MRC2: variants seen among roughly 807,000 people sequenced by gnomAD.
The protein encoded by MRC2 is mannose receptor C-type 2.
MRC2 carries 84 observed loss-of-function variants against 206.2 expected under a neutral mutation model. That is an observed-to-expected ratio of 0.41 (90% CI 0.34 to 0.49). The LOEUF (loss-of-function observed/expected upper bound fraction) is 0.49. Among genes scored for constraint, MRC2 ranks in the 20% least tolerant of loss-of-function variants. The pLI is 0.31. For synonymous variants in MRC2, 798 were observed against 800.0 expected (o/e 1.00, Z 0.04); for missense variants, 1,676 against 2,001.5 (o/e 0.84, Z 3.10).
intron 1 of MRC2, among the ~76,000 whole-genome samples, chr17:62,656,087 G>T (rs753481512): frequency 6.6e-6 from 1 of 152,062 alleles, no homozygotes; most frequent in Non-Finnish European, 1.5e-5. Flanking sequence ...TCACTCTGTT[G>T]CCAGGTTGGA....
chr17:62,677,578 C>A, intron 12 of MRC2, 92 bp downstream of exon 12: 1 of 1,154,768 alleles, frequency 8.7e-7, no homozygotes. Context: ...CAGCCACAAT[C>A]CAGAGACACA....
At chr17:62,678,360 G>T in intron 12 of MRC2, 144 bp from the exon 13 acceptor site, 1 of 1,158,000 alleles carries the variant, frequency 8.6e-7, no homozygotes, top group African/African-American at 1.6e-5. Context: ...CTCTGCAGAT[G>T]AACAGGATTG....
chr17:62,677,392 C>A lies in MRC2; in HGVS notation c.1958C>A (p.Thr653Lys). The A allele has an allele frequency of 6.2e-7, 1 of 1,610,782 alleles. No individual in the cohort carries two copies. The highest frequency in any genetic ancestry group is 8.5e-7 in the Non-Finnish European group (1 of 1,179,166). ...CGGCAGAGCCTGGGCACTCCAGTGACGCCGGAGCTGCCGGGGCCAGATCCC... is the reference window on the plus strand; with the variant it reads ...CGGCAGAGCCTGGGCACTCCAGTGAAGCCGGAGCTGCCGGGGCCAGATCCC... ...ICRQSLGTPV[T>K]PELPGPDPTP... The change falls in exon 12 of 30, where the codon ACG becomes AAG. Residue 653 changes from threonine to lysine, a missense_variant. Physicochemically the swap from Thr to Lys is moderately conservative, Grantham distance 78 (BLOSUM62 -1). Around this residue, in one of 3 missense-constraint regions of MRC2, gnomAD observed 1,354 missense variants for 1,636.6 expected, o/e 0.83. Transcript: ENST00000303375.
Position 62,692,610 on chromosome 17 carries a change from G to A in MRC2, c.*159G>A. 1 of 721,860 alleles carries A rather than the reference G, an allele frequency of 1.4e-6. No homozygotes were observed. Among genetic ancestry groups the A allele is most frequent in the Non-Finnish European group, 2.2e-6 (1 of 446,776 alleles). 44.7% of individuals were successfully genotyped at this position (721,860 alleles called of 1,614,324 possible). A position where few individuals can be genotyped will look rare whatever the true frequency, so the allele number is the denominator to read the frequency against. ...AGCTGGGCAGAGCCTGGGCTGGTGG[G>A]GTGCCACCCTCCCACAAGGGCTGGG... On this transcript the variant is annotated 3_prime_UTR_variant, in exon 30 of 30. Transcript: ENST00000303375. The surrounding 1 kb of genome is among the most constrained non-coding windows in gnomAD (Gnocchi z 4.2).
Position 62,671,609 on chromosome 17 carries a change from C to T in MRC2, c.1118-40C>T, listed in dbSNP as rs368948928. ...CCAGTGGGTTGGTTCCCAGACTGGGCGGCTCAGTCCCTGAGCAGCAGCCTC... is the reference window on the plus strand; with the variant it reads ...CCAGTGGGTTGGTTCCCAGACTGGGTGGCTCAGTCCCTGAGCAGCAGCCTC... On this transcript the variant is annotated intron_variant, in intron 6 of 29. Coordinates refer to ENST00000303375, the MANE Select transcript of MRC2 (RefSeq NM_006039.5). This position sits in a 1 kb window ranked among gnomAD's most constrained non-coding sequence, Gnocchi z 4.5. The T allele has an allele frequency of 6.3e-5, 96 of 1,515,858 alleles. No homozygotes were observed. Among genetic ancestry groups the T allele is most frequent in the Non-Finnish European group, 8.1e-5 (91 of 1,130,186 alleles). 93.9% of individuals were successfully genotyped at this position (1,515,858 alleles called of 1,614,324 possible).
chr17:62,689,591 G>C lies in MRC2; in HGVS notation c.3404G>C (p.Gly1135Ala). ...APGTELSYLN[G>A]TFRLLQKPLR... ...GGCACTGAGCTCTCCTACCTCAACG[G>C]CACCTTCCGGCTGCTTCAGAAGCCG... Residue 1135 changes from glycine (G) to alanine (A), a missense_variant, in exon 24 of 30, where the codon GGC becomes GCC. Transcript: ENST00000303375. 3 of 1,602,780 alleles carry C rather than the reference G, an allele frequency of 1.9e-6. No homozygotes were observed. The highest frequency in any genetic ancestry group is 2.6e-6 in the Non-Finnish European group (3 of 1,174,990).
chr17:62,690,230 T>A lies in MRC2; in HGVS notation c.3817T>A (p.Phe1273Ile). The change falls in exon 26 of 30, where the codon TTC (phenylalanine) becomes ATC (isoleucine). Residue 1273 changes from phenylalanine to isoleucine, a missense_variant. Physicochemically the swap from Phe to Ile is conservative, Grantham distance 21. Transcript: ENST00000303375. ...ACTGGCAGACTCCGCGTGGATTCCC[T>A]TCCGGGAGCACTGCTATTCTTTCCA... Reference protein sequence around the residue: ...QGLADSAWIPFREHCYSFHME... With the variant: ...QGLADSAWIPIREHCYSFHME... The A allele has an allele frequency of 6.2e-7, 1 of 1,613,484 alleles. No homozygotes were observed. The highest frequency in any genetic ancestry group is 1.1e-5 in the South Asian group (1 of 91,080).
Position 62,682,328 on chromosome 17 carries a change from C to A in MRC2, c.2897C>A (p.Thr966Asn). The A allele has an allele frequency of 6.2e-7, 1 of 1,607,906 alleles. No individual in the cohort carries two copies. The highest frequency in any genetic ancestry group is 8.5e-7 in the Non-Finnish European group (1 of 1,177,486). ...TKETQPPDLPTTALGGCPSDW... is the reference protein window; with the variant it reads ...TKETQPPDLPNTALGGCPSDW... ...GAAACGCAGCCCCCAGACCTGCCAA[C>A]TACAGCCCTGGGGGGCTGCCCCTCT... The change falls in exon 20 of 30, where the codon ACT becomes AAT. Residue 966 changes from threonine (T) to asparagine (N), a missense_variant. By Grantham distance (65) the Thr-to-Asn change is moderately conservative (BLOSUM62 0). This residue lies in a region of MRC2 where 1,354 missense variants were observed against 1,636.6 expected (regional missense o/e 0.83). Transcript: ENST00000303375.
At chr17:62,686,038 G>A (rs1028824602) in intron 20 of MRC2, among the ~76,000 whole-genome samples, 22 of 152,182 alleles carry the variant, frequency 1.4e-4, no homozygotes, top group African/African-American at 5.1e-4. Context: ...ATGTACTAGG[G>A]GAGGGGAGGG....
chr17:62,688,840 C>A lies in MRC2; in HGVS notation c.3226-12C>A. ...GCTGCTGGGGCTCCCCTGAGCAGCT[C>A]CCTCCCCCCAGACCAGCTGTGCAGT... On this transcript the variant is annotated splice_polypyrimidine_tract_variant and intron_variant, in intron 22 of 29. Transcript: ENST00000303375. The A allele has an allele frequency of 6.2e-7, 1 of 1,600,174 alleles. No individual in the cohort carries two copies. The highest frequency in any genetic ancestry group is 1.1e-5 in the South Asian group (1 of 89,736).
Position 62,666,370 on chromosome 17 carries a change from C to T in MRC2, c.695-85C>T, listed in dbSNP as rs1010117474. On this transcript the variant is annotated intron_variant, in intron 3 of 29. Coordinates refer to ENST00000303375, the MANE Select transcript of MRC2 (RefSeq NM_006039.5). This position sits in a 1 kb window ranked among gnomAD's most constrained non-coding sequence, Gnocchi z 5.0. Reference sequence around the variant, plus strand: ...GGTGAGATACTGCCCCCTCCCCTACCTAGTGTAGCCTTTTGGTGGGGGAGG... The same window carrying T: ...GGTGAGATACTGCCCCCTCCCCTACTTAGTGTAGCCTTTTGGTGGGGGAGG... 8.8e-6 allele frequency: 14 copies of T among 1,598,482 alleles called. No individual in the cohort carries two copies. In the Admixed American group the frequency reaches 2.4e-4, roughly 27 times the overall value.
chr17:62,665,805 T>TG (rs1320511895), intron 2 of MRC2, among the ~76,000 whole-genome samples: 9 of 152,128 alleles, frequency 5.9e-5, no homozygotes. Flanking sequence ...CCTCTGTGGG[T>TG]GACTTGGAGG....
At chr17:62,648,307 G>A (rs1391007944) in intron 1 of MRC2, among the ~76,000 whole-genome samples, 3 of 152,242 alleles carry the variant, frequency 2.0e-5, no homozygotes, top group Non-Finnish European at 1.5e-5. Flanking sequence ...AGGAGGCTGA[G>A]ACAGGAGAAT....
At position 62,676,460 on chromosome 17, in the gene MRC2, A is replaced by C. The variant is rs551322802; in HGVS notation, c.1763A>C (p.Asn588Thr). Residue 588 changes from asparagine to threonine, a missense_variant, in exon 11 of 30, where the codon AAC becomes ACC. This residue lies in a region of MRC2 where 1,354 missense variants were observed against 1,636.6 expected (regional missense o/e 0.83). Transcript: ENST00000303375. ...EYFWTALQDL[N>T]STGSFFWLSG... is the part of the protein sequence containing the mutation. ...TTCTGGACGGCCCTGCAGGACCTCAACAGCACCGGCTCCTTCTTCTGGCTC... is the reference window on the plus strand; with the variant it reads ...TTCTGGACGGCCCTGCAGGACCTCACCAGCACCGGCTCCTTCTTCTGGCTC... The C allele has an allele frequency of 1.2e-6, 2 of 1,613,728 alleles. No individual in the cohort carries two copies. The highest frequency in any genetic ancestry group is 2.7e-5 in the African/African-American group (2 of 75,032).
rs10640837 is a variant in MRC2, at chr17:62,672,991, C to CAAA, written c.1461+850_1461+852dup. Among the ~76,000 whole-genome samples, 11,957 of 143,224 alleles carry CAAA rather than the reference C, an allele frequency of 0.083. 556 individuals are homozygous for CAAA. Among genetic ancestry groups the CAAA allele is most frequent in the South Asian group, 0.17 (738 of 4,406 alleles). The allele number at this position is 143,224 out of a possible 152,430, so 94.0% of individuals were successfully genotyped here. A position where few individuals can be genotyped will look rare whatever the true frequency, so the allele number is the denominator to read the frequency against. On this transcript the variant is annotated intron_variant, in intron 8 of 29. Transcript: ENST00000303375. This position sits in a 1 kb window ranked among gnomAD's most constrained non-coding sequence, Gnocchi z 4.5. ...TGGGTGACAGAGCAAGACCCTGTCT[C>CAAA]AAAAAAAAAAAAATAAAATAAAAAG...
chr17:62,664,646 C>T lies in MRC2; in HGVS notation c.217C>T (p.Pro73Ser). 3 of 1,613,778 alleles carry T rather than the reference C, an allele frequency of 1.9e-6. No individual in the cohort carries two copies. The highest frequency in any genetic ancestry group is 2.5e-6 in the Non-Finnish European group (3 of 1,180,032). Residue 73 changes from proline (P) to serine (S), a missense_variant, in exon 2 of 30, where the codon CCT (proline) becomes TCT (serine). Pro to Ser is a moderately conservative substitution (Grantham distance 74, BLOSUM62 -1). Coordinates refer to ENST00000303375, the MANE Select transcript of MRC2 (RefSeq NM_006039.5). The surrounding 1 kb of genome is among the most constrained non-coding windows in gnomAD (Gnocchi z 4.7). ...RVTPACNTSL[P>S]AQRWKWVSRN... ...CACCCCGGCTTGCAATACCAGCCTC[C>T]CTGCCCAGCGCTGGAAGTGGGTCTC...
chr17:62,692,055 A>C lies in MRC2; in HGVS notation c.4193-57A>C, dbSNP rs2089118118. ...CCTGTGTGCTTTGTATGTTTACTTA[A>C]GTGATTATTACGATGATCACTGCTA... On this transcript the variant is annotated intron_variant, in intron 28 of 29. Coordinates refer to ENST00000303375, the MANE Select transcript of MRC2 (RefSeq NM_006039.5). This position sits in a 1 kb window ranked among gnomAD's most constrained non-coding sequence, Gnocchi z 4.2. 1 of 1,612,412 alleles carries C rather than the reference A, an allele frequency of 6.2e-7. No homozygotes were observed. The highest frequency in any genetic ancestry group is 8.5e-7 in the Non-Finnish European group (1 of 1,178,714).
intron 1 of MRC2, among the ~76,000 whole-genome samples, chr17:62,632,705 G>T (rs1179488096): frequency 1.3e-5 from 2 of 152,172 alleles, no homozygotes; most frequent in Non-Finnish European, 2.9e-5. Context: ...CTGCCTCTTG[G>T]GCTGACCTGG....
rs1243132239 is a variant in MRC2, at chr17:62,692,714, A to G, written c.*263A>G. 3 of 443,016 alleles carry G rather than the reference A, an allele frequency of 6.8e-6. No individual in the cohort carries two copies. In the East Asian group the frequency reaches 1.2e-4, roughly 17 times the overall value. The allele number at this position is 443,016 out of a possible 1,614,324, so 27.4% of individuals were successfully genotyped here. On this transcript the variant is annotated 3_prime_UTR_variant, in exon 30 of 30. Transcript: ENST00000303375. The surrounding 1 kb of genome is among the most constrained non-coding windows in gnomAD (Gnocchi z 4.2). ...TCTTGTCACCTGGTCCTGTGCCCCC[A>G]CAGGAACCAGAGGTAGGATGGGAGG...
Sources: gnomAD v4.1 joint callset for allele counts (sites outside exome capture counted in the v4.1 genomes callset) on GRCh38, gnomAD v4.1.1 for gene constraint, gnomAD v4.1.1 regional missense constraint, Gnocchi (gnomAD v3.1) non-coding constraint, MANE v1.5 for transcripts, NCBI Gene and HGNC (gene_info 2026-07-23, HGNC 2026-07-21) for gene names.